NKD1: variants seen among roughly 807,000 people sequenced by gnomAD.
NKD1 encodes protein naked cuticle homolog 1.
NKD1 carries 21 observed loss-of-function variants against 56.0 expected under a neutral mutation model. The ratio of observed to expected loss-of-function variants is 0.38; its 90% CI spans 0.27 to 0.54. NKD1 has a LOEUF of 0.54. NKD1 is among the 20% of genes least tolerant of loss of function. NKD1 has a pLI of 0.82. For synonymous variants in NKD1, 263 were observed against 265.7 expected (o/e 0.99, Z 0.10); for missense variants, 578 against 642.7 (o/e 0.90, Z 1.09).
chr16:50,593,440 C>T (rs1371649132), intron 3 of NKD1, among the ~76,000 whole-genome samples: 1 of 152,196 alleles, frequency 6.6e-6, no homozygotes, highest in East Asian at 1.9e-4. Context: ...GCTAGAATTT[C>T]TCTGTGAGGT....
intron 5 of NKD1, chr16:50,625,157 G>A (rs1304718175): frequency 5.4e-6 from 2 of 368,676 alleles, no homozygotes; most frequent in African/African-American, 4.2e-5. Context: ...CCTTCTAGTT[G>A]CTTCTTGCCC....
intron 3 of NKD1, among the ~76,000 whole-genome samples, chr16:50,585,074 G>A (rs1433841970): frequency 1.3e-5 from 2 of 152,230 alleles, no homozygotes; most frequent in Non-Finnish European, 2.9e-5. Flanking sequence ...GGAGAACAGA[G>A]AGGATTCTTT....
At chr16:50,574,382 G>A (rs1960947428) in intron 3 of NKD1, 5 of 985,268 alleles carry the variant, frequency 5.1e-6, no homozygotes, top group Admixed American at 6.2e-5. Context: ...AAGGATGCTG[G>A]GCCTCACTGG....
rs569374982 is a variant in NKD1, at chr16:50,637,219, A to C, written c.*3438A>C. 6.6e-6 allele frequency: 1 copy of C among 152,370 alleles called. No homozygotes were observed. The highest frequency in any genetic ancestry group is 2.4e-5 in the African/African-American group (1 of 41,574). 9.4% of individuals were successfully genotyped at this position (152,370 alleles called of 1,614,324 possible). On this transcript the variant is annotated 3_prime_UTR_variant, in exon 10 of 10. Coordinates refer to ENST00000268459, the MANE Select transcript of NKD1 (RefSeq NM_033119.5). Reference sequence around the variant, plus strand: ...AGAAAGTTTCCACGTGGAACTGCAGAGTTCAAGAGCAAGTGTGATTTCAAT... The same window carrying C: ...AGAAAGTTTCCACGTGGAACTGCAGCGTTCAAGAGCAAGTGTGATTTCAAT...
At chr16:50,619,817 G>A (rs1387340844) in intron 4 of NKD1, among the ~76,000 whole-genome samples, 1 of 152,204 alleles carries the variant, frequency 6.6e-6, no homozygotes, top group Non-Finnish European at 1.5e-5. Context: ...CAGTGCCAGA[G>A]AACAGAACCC....
chr16:50,595,811 T>A (rs145425969), intron 3 of NKD1, among the ~76,000 whole-genome samples: 1,786 of 152,268 alleles, frequency 0.012, 44 homozygotes, highest in African/African-American at 0.041. Flanking sequence ...CTCACTGGCT[T>A]CCCAGGTGAC....
chr16:50,574,924 CTT>C (rs1220891621), intron 3 of NKD1: 2 of 985,100 alleles, frequency 2.0e-6, no homozygotes, highest in Non-Finnish European at 1.2e-6. Context: ...GCCTTGGAAA[CTT>C]TTTCCTTTTC....
At chr16:50,597,073 T>C (rs1450619278) in intron 3 of NKD1, among the ~76,000 whole-genome samples, 1 of 150,748 alleles carries the variant, frequency 6.6e-6, no homozygotes, top group Non-Finnish European at 1.5e-5. Flanking sequence ...CTTTGGGGAA[T>C]TGGGTAGGGG....
At chr16:50,561,608 G>A (rs1960635983) in intron 3 of NKD1, among the ~76,000 whole-genome samples, 1 of 152,178 alleles carries the variant, frequency 6.6e-6, no homozygotes, top group Non-Finnish European at 1.5e-5. Context: ...CACCTCATGA[G>A]TAGCTTGGGC....
At chr16:50,550,457 C>G (rs976410360) in intron 3 of NKD1, among the ~76,000 whole-genome samples, 2 of 151,330 alleles carry the variant, frequency 1.3e-5, no homozygotes, top group Admixed American at 6.6e-5. Flanking sequence ...GTGGAGACTT[C>G]AGATGTGTTT....
intron 3 of NKD1, chr16:50,552,001 T>A (rs1960397692): frequency 6.6e-6 from 1 of 152,166 alleles, no homozygotes; most frequent in African/African-American, 2.4e-5. Context: ...GGTTCTTCCA[T>A]GATATCATCA....
At chr16:50,589,761 TCTCTCCTCTCCTC>T (rs1961319044) in intron 3 of NKD1, among the ~76,000 whole-genome samples, 1 of 47,828 alleles carries the variant, frequency 2.1e-5, no homozygotes, top group Non-Finnish European at 4.2e-5. Context: ...TCTCTTCTCT[TCTCTCCTCTCCTC>T]TCCTCTCCTC....
chr16:50,582,570 T>A (rs1036552328), intron 3 of NKD1, among the ~76,000 whole-genome samples: 2 of 152,194 alleles, frequency 1.3e-5, no homozygotes, highest in Non-Finnish European at 2.9e-5. Flanking sequence ...ACAGCAGGGA[T>A]TCTGGGGTTC....
chr16:50,570,838 C>T (rs1177763330), intron 3 of NKD1: 14 of 985,268 alleles, frequency 1.4e-5, no homozygotes, highest in East Asian at 1.1e-4. Flanking sequence ...GCCAGGAGTG[C>T]GGTAACATCT....
intron 3 of NKD1, among the ~76,000 whole-genome samples, chr16:50,585,281 C>G (rs1961202836): frequency 6.6e-6 from 1 of 152,162 alleles, no homozygotes; most frequent in South Asian, 2.1e-4. Flanking sequence ...GATTACGTGG[C>G]TGGGGCAGGA....
In NKD1 at chr16:50,605,341, C is replaced by T. The variant is rs144341718; in HGVS notation, c.193-2953C>T. Among the ~76,000 whole-genome samples, 822 of 152,328 alleles carry T rather than the reference C, an allele frequency of 5.4e-3. 4 individuals are homozygous for T. The highest frequency in any genetic ancestry group is 0.017 in the Middle Eastern group (5 of 294). ...AGGCCACTTTCTTTGTAGAAAATAACAGTAATGATTATACCTCTCGCTTTA... is the reference window on the plus strand; with the variant it reads ...AGGCCACTTTCTTTGTAGAAAATAATAGTAATGATTATACCTCTCGCTTTA... On this transcript the variant is annotated intron_variant, in intron 3 of 9. Coordinates refer to ENST00000268459, the MANE Select transcript of NKD1 (RefSeq NM_033119.5).
Position 50,562,328 on chromosome 16 carries a change from A to C in NKD1, c.192+12773A>C. The C allele has an allele frequency of 4.2e-6, 4 of 954,942 alleles. No homozygotes were observed. In the South Asian group the frequency reaches 1.9e-4, roughly 46 times the overall value. 59.2% of individuals were successfully genotyped at this position (954,942 alleles called of 1,614,324 possible). ...TCACTGTGTATCTGCAGGTGCATAG[A>C]GAAAGATCTGGAAGGGTACACTGTC... On this transcript the variant is annotated intron_variant, in intron 3 of 9. Coordinates refer to ENST00000268459, the MANE Select transcript of NKD1 (RefSeq NM_033119.5).
At chr16:50,599,601 T>TG (rs1285250667) in intron 3 of NKD1, among the ~76,000 whole-genome samples, 1 of 152,214 alleles carries the variant, frequency 6.6e-6, no homozygotes, top group Non-Finnish European at 1.5e-5. Flanking sequence ...TGTCGCACAC[T>TG]GACTAAGACT....
In NKD1 at chr16:50,598,262, T is replaced by TGTGTGTGTGTGTGTGTGCGCGC. The variant is rs138964473; in HGVS notation, c.193-10031_193-10030insTGTGTGTGTGTGTGTGCGCGCG. Among the ~76,000 whole-genome samples, 6 of 148,572 alleles carry TGTGTGTGTGTGTGTGTGCGCGC rather than the reference T, an allele frequency of 4.0e-5. No homozygotes were observed. Among genetic ancestry groups the TGTGTGTGTGTGTGTGTGCGCGC allele is most frequent in the African/African-American group, 1.5e-4 (6 of 39,058 alleles). ...GTGTGTGTGTGTGTGTGTGTGTGTG[T>TGTGTGTGTGTGTGTGTGCGCGC]GCGCGCACACCTGTGCTCATGGACA... On this transcript the variant is annotated intron_variant, in intron 3 of 9. Coordinates refer to ENST00000268459, the MANE Select transcript of NKD1 (RefSeq NM_033119.5). The surrounding 1 kb of genome is among the most constrained non-coding windows in gnomAD (Gnocchi z 4.2).
Sources: allele counts gnomAD v4.1 joint callset (sites outside exome capture counted in the v4.1 genomes callset), GRCh38; gene constraint gnomAD v4.1.1; non-coding constraint Gnocchi (gnomAD v3.1); transcripts MANE v1.5; gene names NCBI Gene and HGNC (gene_info 2026-07-23, HGNC 2026-07-21).